The following MYT1L variants were observed in gnomAD, a reference collection of about 807,000 sequenced individuals.
MYT1L encodes the protein myelin transcription factor 1-like protein.
A neutral mutation model predicts 126.7 loss-of-function variants in MYT1L; 12 were observed. The ratio of observed to expected loss-of-function variants is 0.09; its 90% CI spans 0.06 to 0.15. The LOEUF is 0.15. Ranked by LOEUF, MYT1L falls within the 10% of genes least tolerant of loss-of-function variation. The probability of loss-of-function intolerance (pLI) is 1.00; values close to 1 mark genes in which losing one functional copy is unlikely to be tolerated. For missense variants in MYT1L, 979 were observed against 1,585.2 expected (o/e 0.62, Z 6.49); for synonymous variants, 541 against 604.2 (o/e 0.90, Z 1.53).
At chr2:2,085,217 T>C (rs536582897) in intron 3 of MYT1L, among the ~76,000 whole-genome samples, 1 of 152,282 alleles carries the variant, frequency 6.6e-6, no homozygotes. Context: ...GGCTTTCTGA[T>C]TATTCTGCAC....
chr2:2,005,692 CTTCTCTCCTGCAGGCG>C (rs2063219917), intron 4 of MYT1L, among the ~76,000 whole-genome samples: 11 of 134,374 alleles, frequency 8.2e-5, no homozygotes, highest in African/African-American at 2.2e-4. Flanking sequence ...TCCTGCGTGC[CTTCTCTCCTGCAGGCG>C]TTCTTTCCTG....
rs2043340390 is a variant in MYT1L at position 1,852,058 on chromosome 2, G to A, written c.2712-355C>T. On this transcript the variant is annotated intron_variant, in intron 18 of 24. Coordinates refer to ENST00000647738, the MANE Select transcript of MYT1L (RefSeq NM_001303052.2). This position sits in a 1 kb window ranked among gnomAD's most constrained non-coding sequence, Gnocchi z 4.0. Reference sequence around the variant, plus strand: ...GCCAGCAACCACAGGGCTTGTTACTGCACCAGCCCACGTGGGAAGCAAGGC... The same window carrying A: ...GCCAGCAACCACAGGGCTTGTTACTACACCAGCCCACGTGGGAAGCAAGGC... 3.3e-5 allele frequency among the ~76,000 whole-genome samples: 5 copies of A among 152,254 alleles called. No homozygotes were observed. The South Asian group carries it at 1.0e-3, about 32-fold the overall frequency.
At chr2:2,211,887 A>G (rs2093530462) in intron 2 of MYT1L, among the ~76,000 whole-genome samples, 2 of 152,052 alleles carry the variant, frequency 1.3e-5, no homozygotes, top group Non-Finnish European at 1.5e-5. Flanking sequence ...TTGTGGTACA[A>G]ATGATTTTCA....
At chr2:2,146,168 A>G (rs1463722530) in intron 3 of MYT1L, among the ~76,000 whole-genome samples, 1 of 152,252 alleles carries the variant, frequency 6.6e-6, no homozygotes, top group Non-Finnish European at 1.5e-5. Context: ...ATATTTTTTC[A>G]AATAATGTTT....
intron 2 of MYT1L, among the ~76,000 whole-genome samples, chr2:2,177,418 G>A (rs1254066375): frequency 1.3e-5 from 2 of 152,206 alleles, no homozygotes; most frequent in African/African-American, 2.4e-5. Context: ...GAATCCTTAA[G>A]ATGTGTAGCA....
intron 3 of MYT1L, among the ~76,000 whole-genome samples, chr2:2,104,144 A>T (rs80209752): frequency 4.3e-4 from 65 of 152,370 alleles, no homozygotes; most frequent in African/African-American, 1.6e-3. Flanking sequence ...AGTTACATTA[A>T]TACCACAGTA....
Position 2,249,135 on chromosome 2 carries a change from A to G in MYT1L, c.-421+35269T>C, listed in dbSNP as rs527315762. 1.1e-4 allele frequency among the ~76,000 whole-genome samples: 16 copies of G among 152,300 alleles called. No individual in the cohort carries two copies. The South Asian group carries it at 2.7e-3, about 26-fold the overall frequency. ...GGAAAAAAACTAAAGATTACACCAA[A>G]AAATGATTAGAACTAATAAATTTAA... On this transcript the variant is annotated intron_variant, in intron 2 of 24. Transcript: ENST00000647738.
At position 1,910,139 on chromosome 2, in the gene MYT1L, CT is replaced by C; in HGVS notation, c.1817+100del. 2 of 1,092,982 alleles carry C rather than the reference CT, an allele frequency of 1.8e-6. No individual in the cohort carries two copies. The highest frequency in any genetic ancestry group is 2.7e-6 in the Non-Finnish European group (2 of 748,310). The allele number at this position is 1,092,982 out of a possible 1,614,324, so 67.7% of individuals were successfully genotyped here. A position where few individuals can be genotyped will look rare whatever the true frequency, so the allele number is the denominator to read the frequency against. ...CAGCCCCGCCCTCCAGTCCCTGCCC[CT>C]GCTGCTGTAGGGACATGCCCTGAGC... is the stretch of plus-strand genomic sequence containing the variant. On this transcript the variant is annotated intron_variant, in intron 13 of 24. Transcript: ENST00000647738. The surrounding 1 kb of genome is among the most constrained non-coding windows in gnomAD (Gnocchi z 4.8).
chr2:1,900,498 A>G lies in MYT1L; in HGVS notation c.2032+2582T>C, dbSNP rs981005822. Among the ~76,000 whole-genome samples the G allele has an allele frequency of 3.9e-5, 6 of 152,166 alleles. No homozygotes were observed. In the East Asian group the frequency reaches 1.2e-3, roughly 30 times the overall value. ...GTATTTTTAGTAGAGACGGGGTTTC[A>G]CCGTGTTAGCCAGGATGGTCTTGAT... On this transcript the variant is annotated intron_variant, in intron 14 of 24. Coordinates refer to ENST00000647738, the MANE Select transcript of MYT1L (RefSeq NM_001303052.2).
chr2:2,148,467 G>A (rs2085227131), intron 3 of MYT1L, among the ~76,000 whole-genome samples: 1 of 152,206 alleles, frequency 6.6e-6, no homozygotes, highest in African/African-American at 2.4e-5. Flanking sequence ...CCTGCTGTGA[G>A]GCTGGGTTCC....
chr2:2,122,564 G>T (rs541683682), intron 3 of MYT1L, among the ~76,000 whole-genome samples: 122 of 152,260 alleles, frequency 8.0e-4, no homozygotes, highest in Non-Finnish European at 1.5e-3. Context: ...CATGTACAGG[G>T]TCCAAGTTCT....
chr2:2,256,799 T>A (rs2094824835), intron 2 of MYT1L, among the ~76,000 whole-genome samples: 1 of 152,168 alleles, frequency 6.6e-6, no homozygotes, highest in African/African-American at 2.4e-5. Context: ...AGTCACTATG[T>A]CAGCAGTGAC....
At chr2:2,230,617 C>T (rs1023023247) in intron 2 of MYT1L, among the ~76,000 whole-genome samples, 2 of 152,176 alleles carry the variant, frequency 1.3e-5, no homozygotes, top group Non-Finnish European at 2.9e-5. Flanking sequence ...CCGCTCCCTA[C>T]CCAGACGCCA....
intron 21 of MYT1L, among the ~76,000 whole-genome samples, chr2:1,820,907 C>A (rs2038424778): frequency 6.6e-6 from 1 of 151,646 alleles, no homozygotes; most frequent in South Asian, 2.1e-4. Flanking sequence ...CTCAAGCAGT[C>A]AAAAGACCTT....
At chr2:2,233,051 T>A (rs2094197783) in intron 2 of MYT1L, among the ~76,000 whole-genome samples, 2 of 152,196 alleles carry the variant, frequency 1.3e-5, no homozygotes, top group Admixed American at 6.5e-5. Flanking sequence ...CCAGCCTGCA[T>A]TAAGCACTCC....
intron 4 of MYT1L, among the ~76,000 whole-genome samples, chr2:2,004,355 C>G (rs144395701): frequency 0.011 from 1,065 of 96,036 alleles, 28 homozygotes; most frequent in East Asian, 0.046. Context: ...TCCTGCGTGC[C>G]TTCTTTCCTG....
At chr2:1,978,647 G>C (rs944648677) in intron 8 of MYT1L, among the ~76,000 whole-genome samples, 7 of 152,180 alleles carry the variant, frequency 4.6e-5, no homozygotes, top group Non-Finnish European at 4.4e-5. Context: ...TTGCAAGCTT[G>C]ATATGCCCTG....
intron 2 of MYT1L, among the ~76,000 whole-genome samples, chr2:2,207,310 C>A (rs1004789365): frequency 1.3e-5 from 2 of 152,056 alleles, no homozygotes; most frequent in East Asian, 3.9e-4. Flanking sequence ...ACATATAATG[C>A]GCACTTTCCT....
Position 2,025,020 on chromosome 2 carries a change from C to T in MYT1L, c.-157-27673G>A, listed in dbSNP as rs536107732. ...GGCTCCCGTGGGTCTGTTTTTATTG[C>T]CCCCACTGCATCTGAACCATTTGTA... On this transcript the variant is annotated intron_variant, in intron 4 of 24. Transcript: ENST00000647738. Among the ~76,000 whole-genome samples the T allele has an allele frequency of 1.0e-3, 154 of 152,362 alleles. 1 individual carries two copies. The highest frequency in any genetic ancestry group is 3.5e-3 in the African/African-American group (145 of 41,590).
Sources: allele counts gnomAD v4.1 joint callset (sites outside exome capture counted in the v4.1 genomes callset), GRCh38; gene constraint gnomAD v4.1.1; non-coding constraint Gnocchi (gnomAD v3.1); transcripts MANE v1.5; gene names NCBI Gene and HGNC (gene_info 2026-07-23, HGNC 2026-07-21).